Variants in SMTNL2 observed in about 807,000 individuals in gnomAD.
SMTNL2 encodes smoothelin like 2, also known as smoothelin-like protein 2.
A neutral mutation model predicts 44.1 loss-of-function variants in SMTNL2; 43 were observed. That is an observed-to-expected ratio of 0.98 (90% confidence interval 0.76 to 1.26). The LOEUF is 1.26. SMTNL2 is among the 50% of genes most tolerant of loss of function. The pLI, the probability that SMTNL2 is intolerant of heterozygous loss-of-function variation, is 0.00. For missense variants in SMTNL2, 646 were observed against 670.2 expected (o/e 0.96, Z 0.40); for synonymous variants, 317 against 287.6 (o/e 1.10, Z -1.03).
In SMTNL2 at chr17:4,600,246, C is replaced by T. The variant is rs552723371; in HGVS notation, c.1259+2923C>T. Among the ~76,000 whole-genome samples, 16 of 152,314 alleles carry T rather than the reference C, an allele frequency of 1.1e-4. No homozygotes were observed. Among genetic ancestry groups the T allele is most frequent in the African/African-American group, 3.8e-4 (16 of 41,560 alleles). On this transcript the variant is annotated intron_variant, in intron 7 of 7. Transcript: ENST00000389313. This position sits in a 1 kb window ranked among gnomAD's most constrained non-coding sequence, Gnocchi z 4.7. The stretch of plus-strand genomic sequence containing the variant: ...AAGAGCTGGCAGGAAAGCGCAGGGA[C>T]ACCTGCCTGAGGGTACTAGCTGTCA...
At position 4,598,353 on chromosome 17, in the gene SMTNL2, C is replaced by G. The variant is rs1909901836; in HGVS notation, c.1259+1030C>G. 1.3e-5 allele frequency among the ~76,000 whole-genome samples: 2 copies of G among 152,182 alleles called. No homozygotes were observed. The highest frequency in any genetic ancestry group is 1.3e-4 in the Admixed American group (2 of 15,276). On this transcript the variant is annotated intron_variant, in intron 7 of 7. Transcript: ENST00000389313. This position sits in a 1 kb window ranked among gnomAD's most constrained non-coding sequence, Gnocchi z 4.8. ...CACAGATGAGTGGTGTTCGGGGCTG[C>G]CCAATGCTAAGCTCTCTGAAGCTCA...
chr17:4,597,361 C>G (rs1380997485), intron 7 of SMTNL2, 38 bp downstream of exon 7: 2 of 1,604,580 alleles, frequency 1.2e-6, no homozygotes, highest in South Asian at 1.1e-5. Context: ...CAGCCCCAGC[C>G]CAGTCCCTGA....
rs770389259 is a variant in SMTNL2, at chr17:4,592,941, G to C, written c.500G>C (p.Gly167Ala). 4 of 1,612,020 alleles carry C rather than the reference G, an allele frequency of 2.5e-6. No homozygotes were observed. Among genetic ancestry groups the C allele is most frequent in the Non-Finnish European group, 2.5e-6 (3 of 1,178,482 alleles). The stretch of plus-strand genomic sequence containing the variant: ...TCACATGTTCCAGGTCCAGGCGATG[G>C]ACCCCCTGAGATTGCCCAAAACTTC... ...GHQPGAGPGDGPPEIAQNFSA... is the reference protein window; with the variant it reads ...GHQPGAGPGDAPPEIAQNFSA... The change falls in exon 3 of 8, where the codon GGA becomes GCA. Residue 167 changes from glycine (G) to alanine (A), a missense_variant. By Grantham distance (60) the Gly-to-Ala change is moderately conservative (BLOSUM62 0). Transcript: ENST00000389313. The surrounding 1 kb of genome is among the most constrained non-coding windows in gnomAD (Gnocchi z 4.5).
intron 1 of SMTNL2, among the ~76,000 whole-genome samples, chr17:4,587,517 G>C (rs1434196946): frequency 6.6e-6 from 1 of 152,202 alleles, no homozygotes; most frequent in Non-Finnish European, 1.5e-5. Context: ...GGTGAGACTG[G>C]AGTGTGGACC....
chr17:4,585,075 C>G (rs1423709856), intron 1 of SMTNL2, 71 bp downstream of exon 1: 33 of 1,264,768 alleles, frequency 2.6e-5, no homozygotes, highest in East Asian at 3.4e-5. Flanking sequence ...CCCTTCGCCC[C>G]GACTGCCTGC....
intron 6 of SMTNL2, 56 bp downstream of exon 6, chr17:4,597,033 G>C: frequency 6.8e-7 from 1 of 1,480,396 alleles, no homozygotes; most frequent in Non-Finnish European, 9.0e-7. Context: ...GCTTGACCAA[G>C]CGTCGCCCCT....
intron 1 of SMTNL2, among the ~76,000 whole-genome samples, chr17:4,585,593 C>T (rs1427698165): frequency 6.6e-6 from 1 of 152,216 alleles, no homozygotes; most frequent in Admixed American, 6.5e-5. Context: ...CCGCCTTGAG[C>T]CGTGTCTAGA....
chr17:4,607,514 G>A lies in SMTNL2; in HGVS notation c.*27G>A. On this transcript the variant is annotated 3_prime_UTR_variant, in exon 8 of 8. Transcript: ENST00000389313. This position sits in a 1 kb window ranked among gnomAD's most constrained non-coding sequence, Gnocchi z 4.7. ...GCCCCTGAGCCTGGATTGCCAAAGA[G>A]CAGCCCCAGGAAGAGGCCGGGGGTC... 1 of 1,611,646 alleles carries A rather than the reference G, an allele frequency of 6.2e-7. No homozygotes were observed. Among genetic ancestry groups the A allele is most frequent in the East Asian group, 2.2e-5 (1 of 44,764 alleles).
rs1003717920 is a variant in SMTNL2, at chr17:4,607,126, T to A, written c.1260-235T>A. ...ATTAAATAAAGTAAGTCTGTTTAAATGAAAACATGAATTGTACAGGTGGCT... is the reference window on the plus strand; with the variant it reads ...ATTAAATAAAGTAAGTCTGTTTAAAAGAAAACATGAATTGTACAGGTGGCT... On this transcript the variant is annotated intron_variant, in intron 7 of 7. Coordinates refer to ENST00000389313, the MANE Select transcript of SMTNL2 (RefSeq NM_001114974.2). The surrounding 1 kb of genome is among the most constrained non-coding windows in gnomAD (Gnocchi z 4.7). Among the ~76,000 whole-genome samples, 4 of 152,092 alleles carry A rather than the reference T, an allele frequency of 2.6e-5. No individual in the cohort carries two copies. The highest frequency in any genetic ancestry group is 6.5e-5 in the Admixed American group (1 of 15,276).
chr17:4,587,267 C>T (rs1158017797), intron 1 of SMTNL2, among the ~76,000 whole-genome samples: 1 of 152,320 alleles, frequency 6.6e-6, no homozygotes, highest in East Asian at 1.9e-4. Flanking sequence ...GTTAGAGGCT[C>T]TGCACCCCTT....
intron 7 of SMTNL2, among the ~76,000 whole-genome samples, chr17:4,601,553 A>G (rs1043677856): frequency 1.3e-5 from 2 of 152,124 alleles, no homozygotes. Flanking sequence ...ACACAAGATC[A>G]CACTTTGTCT....
chr17:4,592,955 G>A lies in SMTNL2; in HGVS notation c.514G>A (p.Ala172Thr). ...AGPGDGPPEI[A>T]QNFSAPDPPR... ...TCCAGGCGATGGACCCCCTGAGATT[G>A]CCCAAAACTTCTCAGCACCAGATCC... The change falls in exon 3 of 8, where the codon GCC becomes ACC. Residue 172 changes from alanine to threonine, a missense_variant. By Grantham distance (58) the Ala-to-Thr change is moderately conservative. Transcript: ENST00000389313. The surrounding 1 kb of genome is among the most constrained non-coding windows in gnomAD (Gnocchi z 4.5). 1 of 1,613,724 alleles carries A rather than the reference G, an allele frequency of 6.2e-7. No individual in the cohort carries two copies. Among genetic ancestry groups the A allele is most frequent in the Non-Finnish European group, 8.5e-7 (1 of 1,179,780 alleles).
In SMTNL2 at chr17:4,607,805, C is replaced by G. The variant is rs1910342774; in HGVS notation, c.*318C>G. On this transcript the variant is annotated 3_prime_UTR_variant, in exon 8 of 8. Coordinates refer to ENST00000389313, the MANE Select transcript of SMTNL2 (RefSeq NM_001114974.2). This position sits in a 1 kb window ranked among gnomAD's most constrained non-coding sequence, Gnocchi z 4.7. Reference sequence around the variant, plus strand: ...TGTTTATAGCTTCCAGAATGCTAATCTACAATTTTCCCTCTGGTGAATTCG... The same window carrying G: ...TGTTTATAGCTTCCAGAATGCTAATGTACAATTTTCCCTCTGGTGAATTCG... The G allele has an allele frequency of 4.3e-6, 1 of 230,714 alleles. No individual in the cohort carries two copies. The highest frequency in any genetic ancestry group is 8.4e-6 in the Non-Finnish European group (1 of 119,004). 14.3% of individuals were successfully genotyped at this position (230,714 alleles called of 1,614,324 possible).
At chr17:4,606,554 C>T (rs1035164503) in intron 7 of SMTNL2, among the ~76,000 whole-genome samples, 77 of 151,962 alleles carry the variant, frequency 5.1e-4, no homozygotes, top group African/African-American at 1.9e-3. Flanking sequence ...TTGAGGCAGG[C>T]GTTCAAGACC....
rs1261658273 is a variant in SMTNL2, at chr17:4,592,662, C to G, written c.487+214C>G. ...GGGAGATCTCAGGAGGTAGTGAGCTCTCCTGTTTCTAGAGGAAAGCAAATA... is the reference window on the plus strand; with the variant it reads ...GGGAGATCTCAGGAGGTAGTGAGCTGTCCTGTTTCTAGAGGAAAGCAAATA... On this transcript the variant is annotated intron_variant, in intron 2 of 7. Coordinates refer to ENST00000389313, the MANE Select transcript of SMTNL2 (RefSeq NM_001114974.2). This position sits in a 1 kb window ranked among gnomAD's most constrained non-coding sequence, Gnocchi z 4.5. Among the ~76,000 whole-genome samples, 1 of 152,106 alleles carries G rather than the reference C, an allele frequency of 6.6e-6. No homozygotes were observed. The highest frequency in any genetic ancestry group is 2.4e-5 in the African/African-American group (1 of 41,408).
chr17:4,597,098 G>T, intron 6 of SMTNL2, 74 bp from the exon 7 acceptor site: 1 of 1,563,780 alleles, frequency 6.4e-7, no homozygotes. Flanking sequence ...TAAGGGGTAG[G>T]AACCACGGTA....
chr17:4,605,166 T>G (rs1180687378), intron 7 of SMTNL2, among the ~76,000 whole-genome samples: 3 of 137,612 alleles, frequency 2.2e-5, no homozygotes, highest in Non-Finnish European at 4.7e-5. Flanking sequence ...TTTTTTTTTT[T>G]TTTTTTTTTT....
chr17:4,597,389 G>A (rs757414102), intron 7 of SMTNL2, 66 bp downstream of exon 7: 52 of 1,583,180 alleles, frequency 3.3e-5, no homozygotes, highest in Non-Finnish European at 4.3e-5. Context: ...TTCTTCCCCA[G>A]GTGGGGCATG....
chr17:4,592,944 C>A lies in SMTNL2; in HGVS notation c.503C>A (p.Pro168His). The stretch of plus-strand genomic sequence containing the variant: ...CATGTTCCAGGTCCAGGCGATGGAC[C>A]CCCTGAGATTGCCCAAAACTTCTCA... Reference protein sequence around the residue: ...HQPGAGPGDGPPEIAQNFSAP... With the variant: ...HQPGAGPGDGHPEIAQNFSAP... The change falls in exon 3 of 8, where the codon CCC becomes CAC. Residue 168 changes from proline (P) to histidine (H), a missense_variant. Pro to His is a moderately conservative substitution (Grantham distance 77). Transcript: ENST00000389313. The surrounding 1 kb of genome is among the most constrained non-coding windows in gnomAD (Gnocchi z 4.5). The A allele has an allele frequency of 1.2e-6, 2 of 1,612,480 alleles. No individual in the cohort carries two copies. Among genetic ancestry groups the A allele is most frequent in the Non-Finnish European group, 1.7e-6 (2 of 1,178,868 alleles).
Sources: allele counts gnomAD v4.1 joint callset (sites outside exome capture counted in the v4.1 genomes callset), GRCh38; gene constraint gnomAD v4.1.1; non-coding constraint Gnocchi (gnomAD v3.1); transcripts MANE v1.5; gene names NCBI Gene and HGNC (gene_info 2026-07-23, HGNC 2026-07-21).